Variants in TBCD observed in about 807,000 individuals in gnomAD.
TBCD encodes tubulin folding cofactor D, also known as tubulin-specific chaperone D.
TBCD carries 105 observed loss-of-function variants against 169.3 expected under a neutral mutation model. The observed-to-expected ratio is 0.62, with a 90% CI of 0.53 to 0.73. The LOEUF is 0.73. TBCD is among the 30% of genes least tolerant of loss of function. TBCD has a pLI of 0.00. For synonymous variants in TBCD, 700 were observed against 643.9 expected, an observed-to-expected ratio of 1.09 and a Z score of -1.32; for missense variants, 1,444 against 1,600.1, an observed-to-expected ratio of 0.90 and a Z score of 1.66.
Position 82,831,383 on chromosome 17 carries a change from G to T in TBCD, c.1318+16449G>T. 5 of 1,614,174 alleles carry T rather than the reference G, an allele frequency of 3.1e-6. No homozygotes were observed. The highest frequency in any genetic ancestry group is 4.2e-6 in the Non-Finnish European group (5 of 1,180,032). On this transcript the variant is annotated intron_variant, in intron 13 of 38. Coordinates refer to ENST00000355528, the MANE Select transcript of TBCD (RefSeq NM_005993.5). This position sits in a 1 kb window ranked among gnomAD's most constrained non-coding sequence, Gnocchi z 4.6. ...TTTAACCTGGAAGGACTCGAGGCTG[G>T]ATAGACCAGGGTGGCTTCTTCAAGC...
At chr17:82,907,729 G>A (rs377734331) in intron 20 of TBCD, 32 bp from the exon 21 acceptor site, 3 of 1,612,740 alleles carry the variant, frequency 1.9e-6, no homozygotes, top group Non-Finnish European at 1.7e-6. Context: ...CTTGGGGAGT[G>A]TGACTTCAGC....
intron 6 of TBCD, among the ~76,000 whole-genome samples, chr17:82,775,903 TA>T (rs200684153): frequency 3.3e-5 from 5 of 150,934 alleles, no homozygotes; most frequent in Non-Finnish European, 5.9e-5. Context: ...ATAAAAAAAT[TA>T]AAAAAAAACC....
chr17:82,801,934 C>T (rs758981365), intron 9 of TBCD, among the ~76,000 whole-genome samples: 5 of 149,222 alleles, frequency 3.4e-5, no homozygotes, highest in South Asian at 2.1e-4. Context: ...TCGTGTGGCT[C>T]GGAGTCAGCG....
chr17:82,894,520 C>T (rs565454354), intron 17 of TBCD, among the ~76,000 whole-genome samples: 19 of 152,296 alleles, frequency 1.2e-4, no homozygotes, highest in East Asian at 1.2e-3. Context: ...GACGTTTCTC[C>T]GTCACCAGCC....
chr17:82,879,730 A>C (rs2058226748), intron 14 of TBCD, among the ~76,000 whole-genome samples: 1 of 152,176 alleles, frequency 6.6e-6, no homozygotes, highest in Non-Finnish European at 1.5e-5. Context: ...AAAACTCCCC[A>C]GTCTGCTCCC....
intron 17 of TBCD, chr17:82,895,834 GAC>G (rs2059437950): frequency 6.6e-6 from 1 of 152,122 alleles, no homozygotes; most frequent in Non-Finnish European, 1.5e-5. Context: ...TGGAGTTTCG[GAC>G]ACACAGACTG....
intron 14 of TBCD, among the ~76,000 whole-genome samples, chr17:82,879,059 C>CTTTT (rs58480407): frequency 3.9e-4 from 44 of 113,926 alleles, no homozygotes; most frequent in Non-Finnish European, 4.7e-4. Flanking sequence ...AGATCCTGTT[C>CTTTT]TTTTTTTTTT....
intron 7 of TBCD, among the ~76,000 whole-genome samples, chr17:82,793,552 T>A (rs1170596797): frequency 1.3e-5 from 2 of 152,148 alleles, no homozygotes; most frequent in Non-Finnish European, 2.9e-5. Context: ...CGTACCAGAG[T>A]TCCTCAGTGA....
chr17:82,803,043 T>C (rs2050690473), intron 9 of TBCD, among the ~76,000 whole-genome samples: 1 of 152,268 alleles, frequency 6.6e-6, no homozygotes, highest in Non-Finnish European at 1.5e-5. Flanking sequence ...TTCTAACTTT[T>C]TTCCATTTTT....
chr17:82,756,593 C>T (rs1409467107), intron 2 of TBCD, among the ~76,000 whole-genome samples: 1 of 152,138 alleles, frequency 6.6e-6, no homozygotes, highest in Non-Finnish European at 1.5e-5. Context: ...GATTCTCCTG[C>T]CTCTGCCTCC....
At chr17:82,826,986 G>A (rs1435981935) in intron 13 of TBCD, among the ~76,000 whole-genome samples, 1 of 152,132 alleles carries the variant, frequency 6.6e-6, no homozygotes, top group African/African-American at 2.4e-5. Context: ...GCCCAGGCTG[G>A]TCTCAAACTC....
intron 17 of TBCD, among the ~76,000 whole-genome samples, chr17:82,897,456 TAC>T (rs761198435): frequency 8.9e-5 from 13 of 146,758 alleles, no homozygotes; most frequent in Non-Finnish European, 1.8e-4. Context: ...AGGCGGAGGT[TAC>T]AGTGAGCCGA....
chr17:82,928,995 C>A, intron 30 of TBCD, 118 bp from the exon 31 acceptor site: 1 of 1,315,126 alleles, frequency 7.6e-7, no homozygotes, highest in Non-Finnish European at 1.0e-6. Context: ...TCCCGAGGAG[C>A]CCGCATGTCC....
rs1254842487 is a variant in TBCD at position 82,944,195 on chromosome 17, C to CA, written c.*1735dup. 1.3e-5 allele frequency: 2 copies of CA among 152,192 alleles called. No homozygotes were observed. Among genetic ancestry groups the CA allele is most frequent in the Non-Finnish European group, 2.9e-5 (2 of 68,026 alleles). The allele number at this position is 152,192 out of a possible 1,614,324, so 9.4% of individuals were successfully genotyped here. ...CAGACCCATCAGTGACACTATGTGG[C>CA]AAAGCAGTTCTTCTTTTAATGTCGG... On this transcript the variant is annotated 3_prime_UTR_variant, in exon 39 of 39. Transcript: ENST00000355528.
At position 82,833,232 on chromosome 17, in the gene TBCD, C is replaced by T. The variant is rs773975104; in HGVS notation, c.1318+18298C>T. 1.5e-4 allele frequency among the ~76,000 whole-genome samples: 23 copies of T among 152,230 alleles called. No homozygotes were observed. The highest frequency in any genetic ancestry group is 5.8e-4 in the East Asian group (3 of 5,160). ...CTGGCCACCGTCTACTTGCTCCTAC[C>T]TGCTGGCTGGGAGCTCTCCCAAGTG... is the stretch of plus-strand genomic sequence containing the variant. On this transcript the variant is annotated intron_variant, in intron 13 of 38. Transcript: ENST00000355528. This position sits in a 1 kb window ranked among gnomAD's most constrained non-coding sequence, Gnocchi z 4.7.
intron 14 of TBCD, chr17:82,876,958 A>G (rs528285683): frequency 2.0e-6 from 2 of 985,462 alleles, no homozygotes; most frequent in East Asian, 1.1e-4. Context: ...ACTGAACAAC[A>G]GTAACCTTAG....
At chr17:82,871,739 C>T (rs1211352877) in intron 14 of TBCD, among the ~76,000 whole-genome samples, 9 of 152,220 alleles carry the variant, frequency 5.9e-5, no homozygotes, top group South Asian at 4.1e-4. Flanking sequence ...GCACGCCCCG[C>T]GAGCACCAGC....
chr17:82,797,865 G>T, intron 8 of TBCD, 63 bp downstream of exon 8: 1 of 1,251,184 alleles, frequency 8.0e-7, no homozygotes. Context: ...ACAATCAAGT[G>T]TCTTTCCTTA....
At chr17:82,788,947 A>T (rs1047853502) in intron 7 of TBCD, among the ~76,000 whole-genome samples, 3 of 152,156 alleles carry the variant, frequency 2.0e-5, no homozygotes, top group African/African-American at 7.2e-5. Flanking sequence ...TATCTAAAAC[A>T]TTTCACATTT....
Sources: allele counts gnomAD v4.1 joint callset (sites outside exome capture counted in the v4.1 genomes callset), GRCh38; gene constraint gnomAD v4.1.1; non-coding constraint Gnocchi (gnomAD v3.1); transcripts MANE v1.5; gene names NCBI Gene and HGNC (gene_info 2026-07-23, HGNC 2026-07-21).